PCDHGB6: variants seen among roughly 807,000 people sequenced by gnomAD.
The protein encoded by PCDHGB6 is protocadherin gamma-B6.
PCDHGB6 carries 51 observed loss-of-function variants against 59.1 expected under a neutral mutation model. The ratio of observed to expected loss-of-function variants is 0.86; its 90% CI spans 0.69 to 1.09. The LOEUF (loss-of-function observed/expected upper bound fraction) is 1.09, where lower values mean the gene tolerates loss of function less well. Ranked by LOEUF, PCDHGB6 falls within the 50% of genes least tolerant of loss-of-function variation. The pLI is 0.00. For missense variants in PCDHGB6, 1,148 were observed against 1,205.1 expected, an observed-to-expected ratio of 0.95 and a Z score of 0.70; for synonymous variants, 466 against 495.1, an observed-to-expected ratio of 0.94 and a Z score of 0.78.
At chr5:141,417,913 T>C in intron 1 of PCDHGB6, 1 of 1,601,944 alleles carries the variant, frequency 6.2e-7, no homozygotes, top group Admixed American at 1.8e-5. Context: ...AGGTACTATT[T>C]CCTTTGCTGC....
Position 141,490,799 on chromosome 5 carries a change from G to A in PCDHGB6, c.2419-4008G>A, listed in dbSNP as rs757092044. On this transcript the variant is annotated intron_variant, in intron 1 of 3. Coordinates refer to ENST00000520790, the MANE Select transcript of PCDHGB6 (RefSeq NM_018926.3). The surrounding 1 kb of genome is among the most constrained non-coding windows in gnomAD (Gnocchi z 5.4). ...GAGGATGGACGGATCTTTGCCCAGC[G>A]TACCTTTGACTATGAATTGCTGCAG... is the stretch of plus-strand genomic sequence containing the variant. 2.7e-5 allele frequency: 43 copies of A among 1,613,888 alleles called. No individual in the cohort carries two copies. Among genetic ancestry groups the A allele is most frequent in the Middle Eastern group, 3.3e-4 (2 of 6,062 alleles).
chr5:141,493,937 A>G lies in PCDHGB6; in HGVS notation c.2419-870A>G, dbSNP rs931274307. Among the ~76,000 whole-genome samples the G allele has an allele frequency of 6.6e-6, 1 of 152,212 alleles. No individual in the cohort carries two copies. The highest frequency in any genetic ancestry group is 1.5e-5 in the Non-Finnish European group (1 of 68,022). ...GGATAACACACCCCCTGGAAAGACCAGAAGGGACTCAGGAATGAAGTGGCT... is the reference window on the plus strand; with the variant it reads ...GGATAACACACCCCCTGGAAAGACCGGAAGGGACTCAGGAATGAAGTGGCT... On this transcript the variant is annotated intron_variant, in intron 1 of 3. Coordinates refer to ENST00000520790, the MANE Select transcript of PCDHGB6 (RefSeq NM_018926.3). This position sits in a 1 kb window ranked among gnomAD's most constrained non-coding sequence, Gnocchi z 4.3.
Position 141,421,259 on chromosome 5 carries a change from G to C in PCDHGB6, c.2418+10639G>C. The C allele has an allele frequency of 6.2e-7, 1 of 1,609,254 alleles. No individual in the cohort carries two copies. The highest frequency in any genetic ancestry group is 8.5e-7 in the Non-Finnish European group (1 of 1,178,538). The stretch of plus-strand genomic sequence containing the variant: ...AATCGGCTACAGCGCGGGGACCGCA[G>C]TCGGCTGCTGCTGCTGCTGTGCATT... On this transcript the variant is annotated intron_variant, in intron 1 of 3. Transcript: ENST00000520790.
chr5:141,464,769 T>C (rs2154568595), intron 1 of PCDHGB6, among the ~76,000 whole-genome samples: 1 of 152,328 alleles, frequency 6.6e-6, no homozygotes. Flanking sequence ...ACAGGAATCT[T>C]GTTCTGTTGC....
At position 141,474,199 on chromosome 5, in the gene PCDHGB6, G is replaced by C. The variant is rs74540928; in HGVS notation, c.2419-20608G>C. Reference sequence around the variant, plus strand: ...AAAACTACTTACATTTTTAAAAGCTGATTTTCAAAAACCAGATTGTGAATT... The same window carrying C: ...AAAACTACTTACATTTTTAAAAGCTCATTTTCAAAAACCAGATTGTGAATT... On this transcript the variant is annotated intron_variant, in intron 1 of 3. Transcript: ENST00000520790. Among the ~76,000 whole-genome samples, 85 of 152,308 alleles carry C rather than the reference G, an allele frequency of 5.6e-4. 1 individual carries two copies. In the East Asian group the frequency reaches 0.016, roughly 29 times the overall value.
chr5:141,408,510 A>G lies in PCDHGB6; in HGVS notation c.308A>G (p.Glu103Gly), dbSNP rs1298660421. The G allele has an allele frequency of 1.3e-5, 21 of 1,613,870 alleles. No individual in the cohort carries two copies. Among genetic ancestry groups the G allele is most frequent in the Non-Finnish European group, 1.8e-5 (21 of 1,179,898 alleles). Residue 103 changes from glutamate (E) to glycine (G), a missense_variant, in exon 1 of 4, where the codon GAG becomes GGG. This residue lies in a region of PCDHGB6 where 307 missense variants were observed against 323.8 expected (regional missense o/e 0.95). Transcript: ENST00000520790. ...ATATGCAAAGAGAGAAGAAGATGTG[A>G]GTTGCAATTGGAAGCTGTGGTGGAA... is the stretch of plus-strand genomic sequence containing the variant. ...EQICKERRRCELQLEAVVENP... is the reference protein window; with the variant it reads ...EQICKERRRCGLQLEAVVENP...
Position 141,431,518 on chromosome 5 carries a change from G to T in PCDHGB6, c.2418+20898G>T. 6.2e-7 allele frequency: 1 copy of T among 1,614,090 alleles called. No individual in the cohort carries two copies. Among genetic ancestry groups the T allele is most frequent in the Non-Finnish European group, 8.5e-7 (1 of 1,180,038 alleles). ...CCGAGTACCGCGCGAGCGTTCCGGA[G>T]AATCTGGCCTTGGGCACGCAGCTGC... On this transcript the variant is annotated intron_variant, in intron 1 of 3. Coordinates refer to ENST00000520790, the MANE Select transcript of PCDHGB6 (RefSeq NM_018926.3). The surrounding 1 kb of genome is among the most constrained non-coding windows in gnomAD (Gnocchi z 4.8).
chr5:141,472,465 A>C (rs886879646), intron 1 of PCDHGB6, among the ~76,000 whole-genome samples: 4 of 152,032 alleles, frequency 2.6e-5, no homozygotes, highest in Non-Finnish European at 5.9e-5. Flanking sequence ...GCTTGAACCC[A>C]GAAGGCAGAG....
intron 1 of PCDHGB6, among the ~76,000 whole-genome samples, chr5:141,455,082 G>A (rs1323760148): frequency 1.3e-5 from 2 of 151,932 alleles, no homozygotes; most frequent in African/African-American, 2.4e-5. Context: ...AAAGTGCTGG[G>A]ATTACAGGCT....
Position 141,474,743 on chromosome 5 carries a change from T to A in PCDHGB6, c.2419-20064T>A, listed in dbSNP as rs113053006. Among the ~76,000 whole-genome samples the A allele has an allele frequency of 4.0e-3, 610 of 152,354 alleles. 8 individuals carry two copies. The highest frequency in any genetic ancestry group is 0.014 in the African/African-American group (593 of 41,580). On this transcript the variant is annotated intron_variant, in intron 1 of 3. Transcript: ENST00000520790. ...AGGACTCTATGCAATCAAAGTGATG[T>A]CCAAGACAAATATACAGAAATAGTA...
At chr5:141,484,047 TC>T (rs1351554084) in intron 1 of PCDHGB6, among the ~76,000 whole-genome samples, 1 of 151,912 alleles carries the variant, frequency 6.6e-6, no homozygotes, top group African/African-American at 2.4e-5. Context: ...CTCCAAGAGG[TC>T]CCCTGGGGCT....
At chr5:141,417,743 A>T in intron 1 of PCDHGB6, 2 of 1,419,054 alleles carry the variant, frequency 1.4e-6, no homozygotes, top group Non-Finnish European at 1.9e-6. Flanking sequence ...AGCACACCAG[A>T]TTGCCAGCTC....
chr5:141,418,599 A>C, intron 1 of PCDHGB6: 2 of 1,614,054 alleles, frequency 1.2e-6, no homozygotes. Context: ...CAGGACGTGT[A>C]CAGGGTTAGC....
chr5:141,469,834 T>C (rs1228732202), intron 1 of PCDHGB6, among the ~76,000 whole-genome samples: 4 of 152,068 alleles, frequency 2.6e-5, no homozygotes, highest in African/African-American at 9.7e-5. Context: ...ACATAAAACT[T>C]ATTCTTAAGA....
chr5:141,435,181 T>C (rs1249878603), intron 1 of PCDHGB6, among the ~76,000 whole-genome samples: 1 of 152,184 alleles, frequency 6.6e-6, no homozygotes, highest in African/African-American at 2.4e-5. Context: ...TTAACTACAC[T>C]TGAGATGGCT....
At chr5:141,422,149 C>G in intron 1 of PCDHGB6, 1 of 1,577,238 alleles carries the variant, frequency 6.3e-7, no homozygotes. Context: ...ACGGGGGTCT[C>G]TGGATTTTGA....
chr5:141,474,405 G>C (rs2099348833), intron 1 of PCDHGB6, among the ~76,000 whole-genome samples: 1 of 152,196 alleles, frequency 6.6e-6, no homozygotes, highest in Admixed American at 6.5e-5. Context: ...AAGCTCCCCG[G>C]TGATGCCTAG....
At chr5:141,498,670 G>A (rs1266576450) in intron 2 of PCDHGB6, among the ~76,000 whole-genome samples, 1 of 152,066 alleles carries the variant, frequency 6.6e-6, no homozygotes, top group Non-Finnish European at 1.5e-5. Flanking sequence ...GGTGGCTCAC[G>A]CCTGTAATCC....
chr5:141,462,423 G>A (rs1367388191), intron 1 of PCDHGB6, among the ~76,000 whole-genome samples: 1 of 151,820 alleles, frequency 6.6e-6, no homozygotes, highest in East Asian at 1.9e-4. Context: ...GTCTATCTTG[G>A]TGAGTGTTGC....
Sources: gnomAD v4.1 joint callset for allele counts (sites outside exome capture counted in the v4.1 genomes callset) on GRCh38, gnomAD v4.1.1 for gene constraint, gnomAD v4.1.1 regional missense constraint, Gnocchi (gnomAD v3.1) non-coding constraint, MANE v1.5 for transcripts, NCBI Gene and HGNC (gene_info 2026-07-23, HGNC 2026-07-21) for gene names.